MEGF9: variants seen among roughly 807,000 people sequenced by gnomAD.
The protein encoded by MEGF9 is multiple EGF like domains 9, also known as multiple epidermal growth factor-like domains protein 9.
In MEGF9, 6 loss-of-function variants were observed where a neutral mutation model predicts 46.8. That is an observed-to-expected ratio of 0.13 (90% CI 0.07 to 0.25). MEGF9 has a LOEUF of 0.25. MEGF9 is among the 10% of genes least tolerant of loss of function. The probability of loss-of-function intolerance (pLI) is 1.00; values close to 1 mark genes in which losing one functional copy is unlikely to be tolerated. For missense variants in MEGF9, 683 were observed against 792.4 expected (o/e 0.86, Z 1.66); for synonymous variants, 302 against 330.7 (o/e 0.91, Z 0.94).
At position 120,601,003 on chromosome 9, in the gene MEGF9, C is replaced by A. The variant is rs2043393240; in HGVS notation, c.*4187G>T. The A allele has an allele frequency of 6.6e-6, 1 of 152,504 alleles. No homozygotes were observed. Among genetic ancestry groups the A allele is most frequent in the Admixed American group, 6.5e-5 (1 of 15,270 alleles). 9.4% of individuals were successfully genotyped at this position (152,504 alleles called of 1,614,324 possible). On this transcript the variant is annotated 3_prime_UTR_variant, in exon 6 of 6. Coordinates refer to ENST00000373930, the MANE Select transcript of MEGF9 (RefSeq NM_001080497.3). ...AATTCTTTCATATATTCAAATCATA[C>A]ACAAATTTAGAAATGCATGATGAAG...
chr9:120,617,255 C>T (rs2043476693), intron 3 of MEGF9, among the ~76,000 whole-genome samples: 1 of 152,188 alleles, frequency 6.6e-6, no homozygotes, highest in Non-Finnish European at 1.5e-5. Flanking sequence ...TGTAGGGCTC[C>T]TTTCCAGCCA....
At chr9:120,692,366 A>G (rs752821549) in intron 1 of MEGF9, among the ~76,000 whole-genome samples, 7 of 152,224 alleles carry the variant, frequency 4.6e-5, no homozygotes, top group Non-Finnish European at 1.0e-4. Context: ...AAGACAGGAA[A>G]CTAATTCATA....
chr9:120,628,826 T>C (rs546281332), intron 2 of MEGF9, among the ~76,000 whole-genome samples: 2 of 152,312 alleles, frequency 1.3e-5, no homozygotes, highest in Admixed American at 6.5e-5. Flanking sequence ...CTTGAATAAA[T>C]AGTCCAGAAC....
chr9:120,686,694 C>T (rs2132335708), intron 1 of MEGF9, among the ~76,000 whole-genome samples: 1 of 152,312 alleles, frequency 6.6e-6, no homozygotes, highest in Middle Eastern at 3.4e-3. Context: ...AGTAGTACAC[C>T]AATCTTTAAA....
At chr9:120,619,296 G>A (rs1330074384) in intron 3 of MEGF9, among the ~76,000 whole-genome samples, 5 of 152,160 alleles carry the variant, frequency 3.3e-5, no homozygotes, top group South Asian at 2.1e-4. Context: ...GCAGTGAGCC[G>A]AGATCGCGCC....
intron 1 of MEGF9, 111 bp from the exon 2 acceptor site, chr9:120,659,686 A>G: frequency 1.1e-6 from 1 of 898,328 alleles, no homozygotes; most frequent in Non-Finnish European, 1.6e-6. Flanking sequence ...CTTTGTAAGG[A>G]TAGATAAAAT....
At chr9:120,664,822 C>T (rs1159953282) in intron 1 of MEGF9, among the ~76,000 whole-genome samples, 10 of 152,204 alleles carry the variant, frequency 6.6e-5, no homozygotes, top group Admixed American at 6.5e-4. Flanking sequence ...TGCATAAATA[C>T]CTTTGCAAAA....
intron 1 of MEGF9, among the ~76,000 whole-genome samples, chr9:120,710,815 T>C (rs2043949618): frequency 6.6e-6 from 1 of 152,242 alleles, no homozygotes; most frequent in Non-Finnish European, 1.5e-5. Flanking sequence ...AGATATGTTT[T>C]CTGTTTAAAG....
chr9:120,679,763 C>A (rs1317945719), intron 1 of MEGF9, among the ~76,000 whole-genome samples: 1 of 151,918 alleles, frequency 6.6e-6, no homozygotes, highest in Non-Finnish European at 1.5e-5. Context: ...CATAGTGAAA[C>A]CCCGTCTCTA....
At chr9:120,653,760 C>T (rs2043664257) in intron 2 of MEGF9, among the ~76,000 whole-genome samples, 1 of 152,050 alleles carries the variant, frequency 6.6e-6, no homozygotes, top group South Asian at 2.1e-4. Context: ...GTTTAATATG[C>T]CAAAGACAAA....
chr9:120,657,622 C>T (rs1055643094), intron 2 of MEGF9, among the ~76,000 whole-genome samples: 1 of 152,190 alleles, frequency 6.6e-6, no homozygotes, highest in African/African-American at 2.4e-5. Flanking sequence ...AATGGCTTAT[C>T]TTTTAAAACG....
rs368736098 is a variant in MEGF9, at chr9:120,677,273, C to T, written c.602-17698G>A. 2.8e-4 allele frequency among the ~76,000 whole-genome samples: 42 copies of T among 151,912 alleles called. No individual in the cohort carries two copies. In the East Asian group the frequency reaches 6.0e-3, roughly 22 times the overall value. ...CTTCCCAAGTAGTTGGGACTACAGG[C>T]GTGCACCACCATGCCAGCCTAATTA... On this transcript the variant is annotated intron_variant, in intron 1 of 5. Transcript: ENST00000373930.
chr9:120,699,478 G>A (rs969263187), intron 1 of MEGF9, among the ~76,000 whole-genome samples: 1 of 151,930 alleles, frequency 6.6e-6, no homozygotes, highest in Non-Finnish European at 1.5e-5. Context: ...AACACTTTGT[G>A]AGGCTGCGAT....
intron 1 of MEGF9, among the ~76,000 whole-genome samples, chr9:120,681,996 G>A (rs1454209615): frequency 6.6e-6 from 1 of 152,122 alleles, no homozygotes; most frequent in Non-Finnish European, 1.5e-5. Flanking sequence ...AACCTTACAA[G>A]GATGTTTTCA....
At chr9:120,643,718 T>G (rs1161431140) in intron 2 of MEGF9, among the ~76,000 whole-genome samples, 1 of 152,044 alleles carries the variant, frequency 6.6e-6, no homozygotes, top group African/African-American at 2.4e-5. Flanking sequence ...TTTCTTTTTT[T>G]TTTTGAGACA....
intron 2 of MEGF9, among the ~76,000 whole-genome samples, chr9:120,641,080 T>C (rs541523617): frequency 6.6e-6 from 1 of 152,340 alleles, no homozygotes; most frequent in Non-Finnish European, 1.5e-5. Context: ...GGTGTATATG[T>C]ACCACATTTT....
At chr9:120,690,649 T>C (rs537873546) in intron 1 of MEGF9, among the ~76,000 whole-genome samples, 2 of 152,268 alleles carry the variant, frequency 1.3e-5, no homozygotes, top group South Asian at 4.1e-4. Flanking sequence ...ACCAATATCC[T>C]GGAATTTGAA....
At chr9:120,706,796 C>T (rs2043931164) in intron 1 of MEGF9, among the ~76,000 whole-genome samples, 1 of 152,068 alleles carries the variant, frequency 6.6e-6, no homozygotes, top group Non-Finnish European at 1.5e-5. Context: ...GATTGTGCCA[C>T]CGCACTCCAG....
intron 1 of MEGF9, among the ~76,000 whole-genome samples, chr9:120,687,629 G>C (rs530023424): frequency 2.9e-3 from 438 of 150,840 alleles, no homozygotes; most frequent in Middle Eastern, 0.014. Context: ...AAAAAGCATG[G>C]TAAGAGTTCA....
Sources: gnomAD v4.1 joint callset for allele counts (sites outside exome capture counted in the v4.1 genomes callset) on GRCh38, gnomAD v4.1.1 for gene constraint, MANE v1.5 for transcripts, NCBI Gene and HGNC (gene_info 2026-07-23, HGNC 2026-07-21) for gene names.